The following REDIC1 variants were observed in gnomAD, a reference collection of about 807,000 sequenced individuals.
REDIC1 encodes regulator of DNA class I crossover intermediates 1, also known as HEI10 Interacting Protein 1.
At chr12:39,714,270 T>TATATATGTATATACGTCTATGCATGC in the REDIC1 span, among the ~76,000 whole-genome samples, 1 of 118,054 alleles carries the variant, frequency 8.5e-6, no homozygotes, top group African/African-American at 2.9e-5. Context: ...TGCATATATG[T>TATATATGTATATACGTCTATGCATGC]ATATATGTAT....
At chr12:39,723,731 G>T in the REDIC1 span, among the ~76,000 whole-genome samples, 1 of 151,998 alleles carries the variant, frequency 6.6e-6, no homozygotes, top group Non-Finnish European at 1.5e-5. Context: ...AAGGGCCAAT[G>T]CTATACAGTA....
the REDIC1 span, among the ~76,000 whole-genome samples, chr12:39,893,672 G>C: frequency 1.2e-4 from 19 of 152,142 alleles, no homozygotes; most frequent in African/African-American, 4.6e-4. Flanking sequence ...ATTCTAACTA[G>C]AAAAACTGAT....
At chr12:39,806,862 T>C in the REDIC1 span, among the ~76,000 whole-genome samples, 1 of 152,260 alleles carries the variant, frequency 6.6e-6, no homozygotes, top group East Asian at 1.9e-4. Context: ...AGAAAACTGA[T>C]ATATTCATAC....
At chr12:39,877,451 AT>A in the REDIC1 span, among the ~76,000 whole-genome samples, 1 of 152,336 alleles carries the variant, frequency 6.6e-6, no homozygotes, top group African/African-American at 2.4e-5. Context: ...AAATGTGGGT[AT>A]TACAGGAGCT....
chr12:39,661,135 T>C, the REDIC1 span, among the ~76,000 whole-genome samples: 1 of 152,124 alleles, frequency 6.6e-6, no homozygotes, highest in Non-Finnish European at 1.5e-5. Context: ...ATATATTGTT[T>C]TGATAGACTG....
At chr12:39,748,025 A>C in the REDIC1 span, among the ~76,000 whole-genome samples, 1 of 152,176 alleles carries the variant, frequency 6.6e-6, no homozygotes, top group Non-Finnish European at 1.5e-5. Flanking sequence ...TCAACTAACG[A>C]GCAAAATAAC....
chr12:39,903,155 T>G, the REDIC1 span, among the ~76,000 whole-genome samples: 1 of 152,292 alleles, frequency 6.6e-6, no homozygotes, highest in East Asian at 1.9e-4. Context: ...GGCATAGGCC[T>G]AATCATACAG....
the REDIC1 span, among the ~76,000 whole-genome samples, chr12:39,905,822 G>GGAAA: frequency 6.9e-6 from 1 of 145,430 alleles, no homozygotes; most frequent in South Asian, 2.2e-4. Flanking sequence ...AAAATGCCCA[G>GGAAA]AAAAAAAAAA....
At chr12:39,715,278 G>A in the REDIC1 span, among the ~76,000 whole-genome samples, 1 of 151,848 alleles carries the variant, frequency 6.6e-6, no homozygotes, top group Non-Finnish European at 1.5e-5. Context: ...TCTCCTGTAT[G>A]TGGCTAGCTA....
At chr12:39,760,479 A>C in the REDIC1 span, among the ~76,000 whole-genome samples, 148,416 of 152,084 alleles carry the variant, frequency 0.98, 72,421 homozygotes, top group East Asian at 1. Context: ...GAATAATAGA[A>C]CAGGCTCAGA....
the REDIC1 span, among the ~76,000 whole-genome samples, chr12:39,833,312 A>T: frequency 1.3e-5 from 2 of 151,988 alleles, no homozygotes; most frequent in African/African-American, 4.8e-5. Flanking sequence ...AATCTAGAAC[A>T]CCTATATAGA....
chr12:39,756,830 T>C, the REDIC1 span: 1 of 151,702 alleles, frequency 6.6e-6, no homozygotes, highest in African/African-American at 2.4e-5. Flanking sequence ...ATATTTAGAC[T>C]CTTATGTACT....
the REDIC1 span, among the ~76,000 whole-genome samples, chr12:39,712,302 A>G: frequency 1.5e-5 from 1 of 65,630 alleles, no homozygotes; most frequent in East Asian, 3.3e-4. Context: ...GTATATATAC[A>G]TACATATATA....
At chr12:39,661,732 C>A in the REDIC1 span, among the ~76,000 whole-genome samples, 1 of 151,960 alleles carries the variant, frequency 6.6e-6, no homozygotes, top group African/African-American at 2.4e-5. Flanking sequence ...TTGCCTAGAC[C>A]AATGTCCTGG....
chr12:39,691,607 G>A, the REDIC1 span, among the ~76,000 whole-genome samples: 1 of 152,218 alleles, frequency 6.6e-6, no homozygotes, highest in South Asian at 2.1e-4. Flanking sequence ...TACATAGAAA[G>A]TGATGGAAAC....
chr12:39,792,652 C>G, the REDIC1 span, among the ~76,000 whole-genome samples: 2 of 152,242 alleles, frequency 1.3e-5, no homozygotes, highest in African/African-American at 4.8e-5. Context: ...CACACATACT[C>G]AAGTCCTGCA....
the REDIC1 span, among the ~76,000 whole-genome samples, chr12:39,828,746 C>T: frequency 6.6e-6 from 1 of 151,250 alleles, no homozygotes; most frequent in African/African-American, 2.4e-5. Flanking sequence ...AAACAAAACT[C>T]TAAAGGTTTA....
chr12:39,687,414 G>C, the REDIC1 span, among the ~76,000 whole-genome samples: 15 of 152,192 alleles, frequency 9.9e-5, no homozygotes, highest in African/African-American at 3.6e-4. Context: ...CAGGAAATTA[G>C]AATTATGGTG....
the REDIC1 span, among the ~76,000 whole-genome samples, chr12:39,694,092 TC>T: frequency 6.6e-6 from 1 of 152,214 alleles, no homozygotes; most frequent in Non-Finnish European, 1.5e-5. Flanking sequence ...CGATTCTTTT[TC>T]TGTGAATTCT....
Sources: gnomAD v4.1 joint callset for allele counts (sites outside exome capture counted in the v4.1 genomes callset) on GRCh38, gnomAD v4.1.1 for gene constraint, MANE v1.5 for transcripts, NCBI Gene and HGNC (gene_info 2026-07-23, HGNC 2026-07-21) for gene names.